Variants in CCDC88C observed in about 807,000 individuals in gnomAD.
CCDC88C encodes the protein protein Daple.
A neutral mutation model predicts 198.8 loss-of-function variants in CCDC88C; 131 were observed. That is an observed-to-expected ratio of 0.66 (90% CI 0.57 to 0.76). The LOEUF (loss-of-function observed/expected upper bound fraction) is 0.76, where lower values mean the gene tolerates loss of function less well. Ranked by LOEUF, CCDC88C falls within the 30% of genes least tolerant of loss-of-function variation. The pLI is 0.00. For synonymous variants in CCDC88C, 1,166 were observed against 1,114.7 expected, an observed-to-expected ratio of 1.05 and a Z score of -0.92; for missense variants, 2,553 against 2,631.6, an observed-to-expected ratio of 0.97 and a Z score of 0.65.
chr14:91,340,335 T>C (rs776072988), intron 6 of CCDC88C, among the ~76,000 whole-genome samples: 2 of 152,170 alleles, frequency 1.3e-5, no homozygotes, highest in Non-Finnish European at 2.9e-5. Context: ...GCTACATCAA[T>C]GTAGAACACA....
chr14:91,337,652 C>A (rs775369336), intron 10 of CCDC88C, among the ~76,000 whole-genome samples: 2 of 152,236 alleles, frequency 1.3e-5, no homozygotes, highest in Non-Finnish European at 2.9e-5. Context: ...CCCGTTATTC[C>A]CACAGATGAG....
intron 3 of CCDC88C, among the ~76,000 whole-genome samples, chr14:91,396,718 C>A (rs1885866937): frequency 6.6e-6 from 1 of 152,192 alleles, no homozygotes; most frequent in African/African-American, 2.4e-5. Flanking sequence ...TTACTTTGTG[C>A]TCCCCAAGAT....
intron 16 of CCDC88C, 23 bp downstream of exon 16, chr14:91,309,836 G>T: frequency 6.3e-7 from 1 of 1,597,592 alleles, no homozygotes; most frequent in South Asian, 1.1e-5. Flanking sequence ...CCCACGATGG[G>T]GAGAGGGAGA....
chr14:91,330,536 CCA>C (rs1276053360), intron 10 of CCDC88C, among the ~76,000 whole-genome samples: 1 of 152,110 alleles, frequency 6.6e-6, no homozygotes, highest in Non-Finnish European at 1.5e-5. Flanking sequence ...TGAGGCTGAG[CCA>C]CACTCTTCAA....
intron 22 of CCDC88C, among the ~76,000 whole-genome samples, chr14:91,296,411 C>T (rs1465636583): frequency 6.6e-6 from 1 of 152,252 alleles, no homozygotes; most frequent in Non-Finnish European, 1.5e-5. Context: ...CGCTGCAGCC[C>T]CTGACCTGAA....
chr14:91,359,795 C>A (rs948167197), intron 3 of CCDC88C, 84 bp from the exon 4 acceptor site: 7 of 1,260,540 alleles, frequency 5.6e-6, no homozygotes, highest in Admixed American at 2.0e-5. Context: ...AGTAATGAAG[C>A]CCCCGGACGG....
chr14:91,324,748 G>A (rs762642534), intron 12 of CCDC88C, 31 bp downstream of exon 12: 2 of 1,605,166 alleles, frequency 1.2e-6, no homozygotes, highest in Admixed American at 1.7e-5. Flanking sequence ...GCCACGGCCA[G>A]GCTGGCTCCC....
At chr14:91,286,029 GCT>G (rs528153520) in intron 25 of CCDC88C, among the ~76,000 whole-genome samples, 192 of 152,288 alleles carry the variant, frequency 1.3e-3, no homozygotes, top group African/African-American at 4.4e-3. Flanking sequence ...AATCATCTGT[GCT>G]CTGACTCAAT....
intron 21 of CCDC88C, among the ~76,000 whole-genome samples, chr14:91,299,719 C>T (rs1372342045): frequency 6.6e-6 from 1 of 152,236 alleles, no homozygotes; most frequent in Non-Finnish European, 1.5e-5. Flanking sequence ...AGACGACGCG[C>T]CATCCCCAGG....
At chr14:91,317,140 T>C (rs756553405) in intron 13 of CCDC88C, among the ~76,000 whole-genome samples, 1 of 152,254 alleles carries the variant, frequency 6.6e-6, no homozygotes, top group Non-Finnish European at 1.5e-5. Flanking sequence ...TGAACTCTTA[T>C]GACTTCAATA....
chr14:91,415,131 G>C (rs1193013609), intron 2 of CCDC88C, among the ~76,000 whole-genome samples: 1 of 152,112 alleles, frequency 6.6e-6, no homozygotes, highest in African/African-American at 2.4e-5. Flanking sequence ...GTAAGGACAG[G>C]TTGAAGTTTC....
intron 25 of CCDC88C, chr14:91,285,850 A>C: frequency 7.9e-7 from 1 of 1,264,638 alleles, no homozygotes; most frequent in Non-Finnish European, 1.0e-6. Flanking sequence ...AATTGTTATC[A>C]ATCGGATAAC....
In CCDC88C at chr14:91,416,719, C is replaced by A; in HGVS notation, c.161+19G>T. On this transcript the variant is annotated intron_variant, in intron 2 of 29. Transcript: ENST00000389857. ...CTAACGCACCATTCTTTCCTTCCTCCGAGAAGAAGGTAACTTACATTTGCA... is the reference window on the plus strand; with the variant it reads ...CTAACGCACCATTCTTTCCTTCCTCAGAGAAGAAGGTAACTTACATTTGCA... 6.5e-7 allele frequency: 1 copy of A among 1,541,172 alleles called. No homozygotes were observed. Among genetic ancestry groups the A allele is most frequent in the Non-Finnish European group, 9.0e-7 (1 of 1,115,500 alleles).
At chr14:91,296,528 G>A (rs1233313792) in intron 22 of CCDC88C, among the ~76,000 whole-genome samples, 1 of 152,172 alleles carries the variant, frequency 6.6e-6, no homozygotes, top group African/African-American at 2.4e-5. Context: ...CTCCACCCCC[G>A]TGGGGCCCTC....
intron 4 of CCDC88C, among the ~76,000 whole-genome samples, chr14:91,351,056 C>T (rs1893761845): frequency 1.3e-5 from 2 of 152,038 alleles, no homozygotes; most frequent in Admixed American, 6.6e-5. Context: ...GGTGGTCCCA[C>T]GCAGGTTGTT....
intron 21 of CCDC88C, 148 bp from the exon 22 acceptor site, chr14:91,297,639 T>TC (rs1266638066): frequency 1.5e-6 from 1 of 676,162 alleles, no homozygotes; most frequent in Non-Finnish European, 2.4e-6. Context: ...TTTTTTTTTT[T>TC]CCATGCATAA....
intron 3 of CCDC88C, among the ~76,000 whole-genome samples, chr14:91,365,703 T>C (rs1894502704): frequency 6.6e-6 from 1 of 152,148 alleles, no homozygotes. Flanking sequence ...AGACCCCAAC[T>C]CTGAGTCAAC....
In CCDC88C at chr14:91,297,521, A is replaced by T. The variant is rs1472830939; in HGVS notation, c.3780-30T>A. 7.8e-6 allele frequency: 12 copies of T among 1,547,590 alleles called. No homozygotes were observed. In the East Asian group the frequency reaches 2.9e-4, roughly 38 times the overall value. ...AGGAGGAAGAGTCACAGGGCAAAGGAGCTGAAGAGCCTGACAAACAGGTAA... is the reference window on the plus strand; with the variant it reads ...AGGAGGAAGAGTCACAGGGCAAAGGTGCTGAAGAGCCTGACAAACAGGTAA... On this transcript the variant is annotated intron_variant, in intron 21 of 29. Coordinates refer to ENST00000389857, the MANE Select transcript of CCDC88C (RefSeq NM_001080414.4).
chr14:91,351,921 C>G (rs531611746), intron 4 of CCDC88C, among the ~76,000 whole-genome samples: 1 of 152,306 alleles, frequency 6.6e-6, no homozygotes, highest in African/African-American at 2.4e-5. Context: ...CCTACCCCAC[C>G]TGCCTGCCAC....
Sources: allele counts gnomAD v4.1 joint callset (sites outside exome capture counted in the v4.1 genomes callset), GRCh38; gene constraint gnomAD v4.1.1; transcripts MANE v1.5; gene names NCBI Gene and HGNC (gene_info 2026-07-23, HGNC 2026-07-21).